Variants in SCFD2 observed in about 807,000 individuals in gnomAD.
SCFD2 encodes the protein sec1 family domain containing 2, also known as sec1 family domain-containing protein 2.
In SCFD2, 54 loss-of-function variants were observed where a neutral mutation model predicts 58.9. The observed-to-expected ratio is 0.92, with a 90% CI of 0.74 to 1.15. SCFD2 has a LOEUF of 1.15. SCFD2 is among the 50% of genes most tolerant of loss of function. SCFD2 has a pLI of 0.00. For missense variants in SCFD2, 805 were observed against 836.6 expected (o/e 0.96, Z 0.47); for synonymous variants, 321 against 335.9 (o/e 0.96, Z 0.49).
intron 5 of SCFD2, among the ~76,000 whole-genome samples, chr4:53,104,291 C>T (rs562094535): frequency 1.3e-5 from 2 of 152,226 alleles, no homozygotes; most frequent in South Asian, 4.2e-4. Context: ...GACACTTTAC[C>T]TCTGCAGTCT....
chr4:53,228,268 G>C (rs986559833), intron 4 of SCFD2, among the ~76,000 whole-genome samples: 1 of 152,084 alleles, frequency 6.6e-6, no homozygotes, highest in East Asian at 1.9e-4. Context: ...ATTTTACAAA[G>C]AACAGGGTAA....
intron 5 of SCFD2, among the ~76,000 whole-genome samples, chr4:53,052,906 T>C (rs899282647): frequency 1.3e-5 from 2 of 152,072 alleles, no homozygotes; most frequent in Non-Finnish European, 2.9e-5. Flanking sequence ...CGCTGTATGA[T>C]TCCAGTTACA....
At chr4:53,178,936 G>A (rs924103200) in intron 4 of SCFD2, among the ~76,000 whole-genome samples, 5 of 152,108 alleles carry the variant, frequency 3.3e-5, no homozygotes, top group African/African-American at 9.7e-5. Flanking sequence ...GAAGTGAGAA[G>A]AGAAGTTTAG....
At chr4:52,924,138 G>A (rs1719809248) in intron 5 of SCFD2, among the ~76,000 whole-genome samples, 1 of 152,228 alleles carries the variant, frequency 6.6e-6, no homozygotes, top group African/African-American at 2.4e-5. Context: ...AACAGAAAGA[G>A]TCATCCATTT....
chr4:52,994,859 A>AT lies in SCFD2; in HGVS notation c.1562-73990dup, dbSNP rs202006494. On this transcript the variant is annotated intron_variant, in intron 5 of 8. Transcript: ENST00000401642. The stretch of plus-strand genomic sequence containing the variant: ...TATCATCATTACCATCATCATCGTC[A>AT]TAAAAAAAAAGCCTTGCAAACACCT... Among the ~76,000 whole-genome samples, 1,144 of 152,316 alleles carry AT rather than the reference A, an allele frequency of 7.5e-3. 20 individuals carry two copies. Among genetic ancestry groups the AT allele is most frequent in the South Asian group, 0.046 (224 of 4,820 alleles).
rs575883360 is a variant in SCFD2, at chr4:53,100,908, T to C, written c.1561+44425A>G. On this transcript the variant is annotated intron_variant, in intron 5 of 8. Transcript: ENST00000401642. ...TATGCAAATACTCAGAATTTTTGCA[T>C]AAATAATCACCACGACCCCCAAATG... Among the ~76,000 whole-genome samples the C allele has an allele frequency of 1.4e-4, 22 of 152,294 alleles. No homozygotes were observed. The South Asian group carries it at 4.1e-3, about 29-fold the overall frequency.
intron 4 of SCFD2, among the ~76,000 whole-genome samples, chr4:53,266,263 C>T (rs1730980881): frequency 6.6e-6 from 1 of 152,230 alleles, no homozygotes; most frequent in South Asian, 2.1e-4. Flanking sequence ...ATATTAAAGA[C>T]AGCATTTGTA....
At chr4:53,083,737 A>G (rs988059246) in intron 5 of SCFD2, among the ~76,000 whole-genome samples, 2 of 152,226 alleles carry the variant, frequency 1.3e-5, no homozygotes, top group Admixed American at 6.5e-5. Flanking sequence ...GTGACATCAC[A>G]TATCAGTAGG....
chr4:53,250,666 G>C (rs1008752279), intron 4 of SCFD2, among the ~76,000 whole-genome samples: 2 of 152,268 alleles, frequency 1.3e-5, no homozygotes, highest in African/African-American at 4.8e-5. Flanking sequence ...ATGAAATGAA[G>C]GCAGAAATAA....
chr4:53,303,557 A>T (rs901253100), intron 3 of SCFD2, among the ~76,000 whole-genome samples: 1 of 152,142 alleles, frequency 6.6e-6, no homozygotes, highest in African/African-American at 2.4e-5. Flanking sequence ...TTCCTCAGGG[A>T]TCTAGAACTT....
At chr4:53,246,794 A>G (rs922746922) in intron 4 of SCFD2, among the ~76,000 whole-genome samples, 1 of 152,180 alleles carries the variant, frequency 6.6e-6, no homozygotes, top group Admixed American at 6.5e-5. Context: ...ACTGGCAAAG[A>G]CTTCATGATG....
At chr4:53,079,229 C>A (rs1246815914) in intron 5 of SCFD2, among the ~76,000 whole-genome samples, 7 of 152,098 alleles carry the variant, frequency 4.6e-5, no homozygotes, top group Non-Finnish European at 8.8e-5. Flanking sequence ...GAACCAGGAG[C>A]ACTGATGTCT....
intron 2 of SCFD2, among the ~76,000 whole-genome samples, chr4:53,345,493 T>C (rs1398037999): frequency 6.6e-6 from 1 of 152,160 alleles, no homozygotes; most frequent in Non-Finnish European, 1.5e-5. Context: ...TTTTACACTG[T>C]TGGTGGGAGT....
intron 4 of SCFD2, among the ~76,000 whole-genome samples, chr4:53,247,778 G>A (rs574133516): frequency 8.4e-4 from 119 of 142,372 alleles, no homozygotes; most frequent in African/African-American, 2.8e-3. Flanking sequence ...GGAGAATGGC[G>A]TGAACCCGGG....
chr4:53,298,514 T>G (rs1732135667), intron 3 of SCFD2, among the ~76,000 whole-genome samples: 1 of 152,190 alleles, frequency 6.6e-6, no homozygotes, highest in Admixed American at 6.5e-5. Flanking sequence ...GCTCCACCTC[T>G]GGGGGCAGGG....
intron 5 of SCFD2, among the ~76,000 whole-genome samples, chr4:53,108,389 A>T (rs1235529872): frequency 1.3e-5 from 2 of 152,182 alleles, no homozygotes; most frequent in African/African-American, 4.8e-5. Context: ...AAGGAGATAT[A>T]GAGACACGAA....
intron 8 of SCFD2, among the ~76,000 whole-genome samples, chr4:52,881,218 C>A (rs1247556497): frequency 6.6e-6 from 1 of 152,212 alleles, no homozygotes; most frequent in African/African-American, 2.4e-5. Flanking sequence ...CTATTCTTGC[C>A]ACTTTTTGTG....
intron 3 of SCFD2, among the ~76,000 whole-genome samples, chr4:53,312,138 G>C (rs1732711813): frequency 6.6e-6 from 1 of 152,112 alleles, no homozygotes; most frequent in South Asian, 2.1e-4. Flanking sequence ...TCTCAGTGCA[G>C]CAAATTTGAG....
intron 5 of SCFD2, among the ~76,000 whole-genome samples, chr4:53,062,828 C>T (rs1723553039): frequency 6.6e-6 from 1 of 152,110 alleles, no homozygotes; most frequent in African/African-American, 2.4e-5. Flanking sequence ...CAAATCACAT[C>T]TGTGATTAGA....
Sources: allele counts gnomAD v4.1 joint callset (sites outside exome capture counted in the v4.1 genomes callset), GRCh38; gene constraint gnomAD v4.1.1; transcripts MANE v1.5; gene names NCBI Gene and HGNC (gene_info 2026-07-23, HGNC 2026-07-21).